SLC24A3: variants seen among roughly 807,000 people sequenced by gnomAD.
SLC24A3 encodes the protein sodium/potassium/calcium exchanger 3.
In SLC24A3, 28 loss-of-function variants were observed where a neutral mutation model predicts 75.8. That is an observed-to-expected ratio of 0.37 (90% confidence interval 0.27 to 0.51). The LOEUF (loss-of-function observed/expected upper bound fraction) is 0.51, where lower values mean the gene tolerates loss of function less well. SLC24A3 is among the 20% of genes least tolerant of loss of function. The pLI is 0.94. For synonymous variants in SLC24A3, 372 were observed against 334.1 expected (o/e 1.11, Z -1.24); for missense variants, 663 against 847.8 (o/e 0.78, Z 2.71).
At chr20:19,691,833 G>A (rs184383785) in intron 12 of SLC24A3, among the ~76,000 whole-genome samples, 12 of 152,196 alleles carry the variant, frequency 7.9e-5, no homozygotes, top group Admixed American at 5.9e-4. Context: ...CTGTGAGCTC[G>A]GTGCTGCTGT....
intron 3 of SLC24A3, among the ~76,000 whole-genome samples, chr20:19,532,001 C>T (rs2030309357): frequency 6.6e-6 from 1 of 152,190 alleles, no homozygotes; most frequent in Non-Finnish European, 1.5e-5. Flanking sequence ...AGGCATGCAG[C>T]TCACGAATGG....
intron 1 of SLC24A3, among the ~76,000 whole-genome samples, chr20:19,272,377 A>G (rs1983355892): frequency 1.3e-5 from 2 of 152,240 alleles, no homozygotes; most frequent in African/African-American, 4.8e-5. Context: ...AAGGCACGCA[A>G]CAATGTCTGT....
At position 19,548,087 on chromosome 20, in the gene SLC24A3, T is replaced by C. The variant is rs556195454; in HGVS notation, c.349-31913T>C. Reference sequence around the variant, plus strand: ...ATCATGCAGAATAGTTCAGTCCCAGTACATGAAGAATGTGGGCCTGGTATC... The same window carrying C: ...ATCATGCAGAATAGTTCAGTCCCAGCACATGAAGAATGTGGGCCTGGTATC... On this transcript the variant is annotated intron_variant, in intron 3 of 16. Coordinates refer to ENST00000328041, the MANE Select transcript of SLC24A3 (RefSeq NM_020689.4). 2.0e-5 allele frequency among the ~76,000 whole-genome samples: 3 copies of C among 152,342 alleles called. No homozygotes were observed. The East Asian group carries it at 5.8e-4, about 29-fold the overall frequency.
chr20:19,255,249 T>C (rs770799156), intron 1 of SLC24A3, among the ~76,000 whole-genome samples: 24 of 152,226 alleles, frequency 1.6e-4, no homozygotes, highest in Non-Finnish European at 2.4e-4. Context: ...CTTATCACGG[T>C]GACCCATCAG....
chr20:19,315,258 A>G (rs921656701), intron 2 of SLC24A3, among the ~76,000 whole-genome samples: 1 of 152,158 alleles, frequency 6.6e-6, no homozygotes, highest in Non-Finnish European at 1.5e-5. Context: ...CATGTTTTAA[A>G]TGGGAAATGG....
At chr20:19,244,796 G>T (rs1299313173) in intron 1 of SLC24A3, among the ~76,000 whole-genome samples, 1 of 152,150 alleles carries the variant, frequency 6.6e-6, no homozygotes, top group Non-Finnish European at 1.5e-5. Flanking sequence ...GGAAATGCTG[G>T]ATAATATCAC....
chr20:19,439,358 A>G (rs753189234), intron 2 of SLC24A3, among the ~76,000 whole-genome samples: 11 of 152,180 alleles, frequency 7.2e-5, no homozygotes, highest in Non-Finnish European at 1.0e-4. Context: ...TGGTTTAAAA[A>G]ATTTTTTTCT....
At chr20:19,364,621 A>G (rs1985851875) in intron 2 of SLC24A3, among the ~76,000 whole-genome samples, 1 of 151,906 alleles carries the variant, frequency 6.6e-6, no homozygotes, top group Non-Finnish European at 1.5e-5. Context: ...TGCCTGGTTA[A>G]TTTCTGTATT....
chr20:19,561,946 G>A lies in SLC24A3; in HGVS notation c.349-18054G>A, dbSNP rs565956119. ...TGGGCAGAGCAAGGGTAACCAGCTA[G>A]CAAATTTCTTCCATTCCTGTTTTGT... On this transcript the variant is annotated intron_variant, in intron 3 of 16. Coordinates refer to ENST00000328041, the MANE Select transcript of SLC24A3 (RefSeq NM_020689.4). 8.5e-5 allele frequency among the ~76,000 whole-genome samples: 13 copies of A among 152,230 alleles called. No homozygotes were observed. The South Asian group carries it at 2.5e-3, about 29-fold the overall frequency.
At chr20:19,584,855 C>A in intron 4 of SLC24A3, 116 bp from the exon 5 acceptor site, 1 of 861,476 alleles carries the variant, frequency 1.2e-6, no homozygotes, top group Non-Finnish European at 1.8e-6. Context: ...ATCGGTCCTA[C>A]TCTCGCTGAA....
At chr20:19,566,685 T>C (rs1275938894) in intron 3 of SLC24A3, among the ~76,000 whole-genome samples, 1 of 152,188 alleles carries the variant, frequency 6.6e-6, no homozygotes, top group Non-Finnish European at 1.5e-5. Context: ...GGAAAATAAT[T>C]AATGGACTCA....
intron 1 of SLC24A3, among the ~76,000 whole-genome samples, chr20:19,259,217 T>C (rs1982908587): frequency 6.6e-6 from 1 of 152,192 alleles, no homozygotes; most frequent in African/African-American, 2.4e-5. Flanking sequence ...TAAGAGGAAA[T>C]GAAACGAGTG....
intron 2 of SLC24A3, among the ~76,000 whole-genome samples, chr20:19,340,840 C>T (rs753210440): frequency 1.3e-5 from 2 of 152,116 alleles, no homozygotes; most frequent in Admixed American, 6.5e-5. Flanking sequence ...GTTGAGGGAG[C>T]GACACAGTTG....
chr20:19,624,508 C>T (rs895884384), intron 6 of SLC24A3, among the ~76,000 whole-genome samples: 54 of 152,228 alleles, frequency 3.5e-4, no homozygotes, highest in African/African-American at 1.2e-3. Context: ...AAAATAGCAG[C>T]GGCTACTCAG....
intron 2 of SLC24A3, among the ~76,000 whole-genome samples, chr20:19,449,175 C>T (rs563389276): frequency 2.6e-5 from 4 of 151,910 alleles, no homozygotes; most frequent in African/African-American, 9.7e-5. Flanking sequence ...AGTTACGTCT[C>T]TGCAGTGGTG....
At position 19,213,003 on chromosome 20, in the gene SLC24A3, C is replaced by A. The variant is rs1981447877; in HGVS notation, c.142+19C>A. On this transcript the variant is annotated intron_variant, in intron 1 of 16. Transcript: ENST00000328041. Reference sequence around the variant, plus strand: ...CAGAAGGGTGAGTGCACGCTGCCTGCCCCGAGTGGGCGCTGCGGCTCCGGC... The same window carrying A: ...CAGAAGGGTGAGTGCACGCTGCCTGACCCGAGTGGGCGCTGCGGCTCCGGC... The A allele has an allele frequency of 4.8e-6, 6 of 1,252,674 alleles. No individual in the cohort carries two copies. In the East Asian group the frequency reaches 1.5e-4, roughly 31 times the overall value. The allele number at this position is 1,252,674 out of a possible 1,614,324, so 77.6% of individuals were successfully genotyped here.
At chr20:19,529,397 C>T (rs1445881721) in intron 3 of SLC24A3, among the ~76,000 whole-genome samples, 4 of 152,310 alleles carry the variant, frequency 2.6e-5, no homozygotes, top group Admixed American at 2.6e-4. Flanking sequence ...GCTGCACAGG[C>T]TGGAATCCTA....
At chr20:19,576,770 G>T (rs1009527814) in intron 3 of SLC24A3, among the ~76,000 whole-genome samples, 31 of 152,150 alleles carry the variant, frequency 2.0e-4, no homozygotes, top group African/African-American at 7.2e-4. Context: ...ACATATTCTT[G>T]GTGAGATGGT....
intron 1 of SLC24A3, among the ~76,000 whole-genome samples, chr20:19,263,504 T>C (rs1334371270): frequency 6.6e-6 from 1 of 152,134 alleles, no homozygotes; most frequent in Non-Finnish European, 1.5e-5. Flanking sequence ...GGGATGAGAG[T>C]GAGAGAGGCG....
Sources: gnomAD v4.1 joint callset for allele counts (sites outside exome capture counted in the v4.1 genomes callset) on GRCh38, gnomAD v4.1.1 for gene constraint, MANE v1.5 for transcripts, NCBI Gene and HGNC (gene_info 2026-07-23, HGNC 2026-07-21) for gene names.